The following RLF variants were observed in gnomAD, a reference collection of about 807,000 sequenced individuals.
The protein encoded by RLF is RLF zinc finger.
Under a neutral mutation model 162.9 loss-of-function variants are expected in RLF, and 7 were observed. The ratio of observed to expected loss-of-function variants is 0.04; its 90% CI spans 0.02 to 0.08. The LOEUF (loss-of-function observed/expected upper bound fraction) is 0.08, where lower values mean the gene tolerates loss of function less well. Among genes scored for constraint, RLF ranks in the 10% least tolerant of loss-of-function variants. The pLI, the probability that RLF is intolerant of heterozygous loss-of-function variation, is 1.00. For missense variants in RLF, 1,664 were observed against 2,244.7 expected (o/e 0.74, Z 5.23); for synonymous variants, 782 against 791.5 (o/e 0.99, Z 0.20).
intron 1 of RLF, among the ~76,000 whole-genome samples, chr1:40,167,851 T>G (rs185628039): frequency 2.8e-3 from 429 of 151,854 alleles, no homozygotes; most frequent in African/African-American, 0.01. Flanking sequence ...GATCTTGATC[T>G]CCTCCCTTTC....
At chr1:40,207,049 T>C (rs1263022168) in intron 5 of RLF, among the ~76,000 whole-genome samples, 5 of 152,240 alleles carry the variant, frequency 3.3e-5, no homozygotes, top group African/African-American at 1.2e-4. Flanking sequence ...TTGTATTTTC[T>C]TCATAGTACA....
chr1:40,224,882 G>T (rs1209164437), intron 6 of RLF, among the ~76,000 whole-genome samples: 5 of 151,560 alleles, frequency 3.3e-5, no homozygotes, highest in Non-Finnish European at 5.9e-5. Context: ...AGCTACTCGG[G>T]AGCCTGAGGT....
chr1:40,161,661 G>A lies in RLF; in HGVS notation c.237+25G>A. ...GGTGAGGGGCTGACTGGCTGGCTGAGGGCGGCGGGGCGGGGAAGTCAGGGA... is the reference window on the plus strand; with the variant it reads ...GGTGAGGGGCTGACTGGCTGGCTGAAGGCGGCGGGGCGGGGAAGTCAGGGA... On this transcript the variant is annotated intron_variant, in intron 1 of 7. Coordinates refer to ENST00000372771, the MANE Select transcript of RLF (RefSeq NM_012421.4). The surrounding 1 kb of genome is among the most constrained non-coding windows in gnomAD (Gnocchi z 4.4). The A allele has an allele frequency of 2.5e-6, 4 of 1,604,630 alleles. No homozygotes were observed. Among genetic ancestry groups the A allele is most frequent in the Non-Finnish European group, 3.4e-6 (4 of 1,177,158 alleles).
Position 40,221,996 on chromosome 1 carries a change from A to G in RLF, c.811-578A>G, listed in dbSNP as rs180719086. ...TATTTGTTTTTTGTTTGTTTTTTTAAGATTTAAGTCATATAAATGAAAAGA... is the reference window on the plus strand; with the variant it reads ...TATTTGTTTTTTGTTTGTTTTTTTAGGATTTAAGTCATATAAATGAAAAGA... On this transcript the variant is annotated intron_variant, in intron 5 of 7. Transcript: ENST00000372771. Among the ~76,000 whole-genome samples, 260 of 151,960 alleles carry G rather than the reference A, an allele frequency of 1.7e-3. 1 individual carries two copies. Among genetic ancestry groups the G allele is most frequent in the African/African-American group, 6.0e-3 (247 of 41,492 alleles).
chr1:40,179,044 A>G (rs1389244406), intron 1 of RLF, among the ~76,000 whole-genome samples: 1 of 152,138 alleles, frequency 6.6e-6, no homozygotes, highest in Non-Finnish European at 1.5e-5. Context: ...CGTGTTGGCC[A>G]GGCTGGTCTG....
At position 40,238,023 on chromosome 1, in the gene RLF, T is replaced by G. The variant is rs1326288386; in HGVS notation, c.3321T>G (p.Phe1107Leu). 11 of 1,613,992 alleles carry G rather than the reference T, an allele frequency of 6.8e-6. No homozygotes were observed. The South Asian group carries it at 1.2e-4, about 18-fold the overall frequency. ...QSVSSISDLNFQNQDENMPSQ... is the reference protein window; with the variant it reads ...QSVSSISDLNLQNQDENMPSQ... ...TTTCATCTATCTCAGACCTTAATTT[T>G]CAGAATCAAGATGAAAACATGCCAA... Residue 1107 changes from phenylalanine to leucine, a missense_variant, in exon 8 of 8, where the codon TTT becomes TTG. Physicochemically the swap from Phe to Leu is conservative, Grantham distance 22. Coordinates refer to ENST00000372771, the MANE Select transcript of RLF (RefSeq NM_012421.4). The surrounding 1 kb of genome is among the most constrained non-coding windows in gnomAD (Gnocchi z 5.2).
At chr1:40,221,321 GA>G (rs141901075) in intron 5 of RLF, among the ~76,000 whole-genome samples, 7,938 of 143,870 alleles carry the variant, frequency 0.055, 601 homozygotes, top group African/African-American at 0.18. Flanking sequence ...GTTGAGATAT[GA>G]AAAAAAAAAC....
intron 6 of RLF, among the ~76,000 whole-genome samples, chr1:40,226,182 T>C (rs376720046): frequency 1.5e-4 from 23 of 152,240 alleles, no homozygotes; most frequent in Admixed American, 3.9e-4. Context: ...ATAGCAGTTA[T>C]GTTTAACTTA....
chr1:40,206,253 G>T (rs572417448), intron 5 of RLF, among the ~76,000 whole-genome samples: 22 of 152,234 alleles, frequency 1.4e-4, no homozygotes, highest in African/African-American at 5.3e-4. Flanking sequence ...CATTTAATCA[G>T]CACAATAGCT....
intron 1 of RLF, among the ~76,000 whole-genome samples, chr1:40,170,591 A>G (rs1570513456): frequency 1.3e-5 from 2 of 152,110 alleles, no homozygotes; most frequent in East Asian, 3.8e-4. Flanking sequence ...CTTTGAATAT[A>G]CAGTTGGTTC....
intron 1 of RLF, among the ~76,000 whole-genome samples, chr1:40,175,338 C>T (rs16827024): frequency 0.052 from 7,913 of 151,944 alleles, 603 homozygotes; most frequent in African/African-American, 0.17. Flanking sequence ...ATATTTGAAC[C>T]TAACAAGATT....
At chr1:40,182,998 C>A (rs1642427506) in intron 1 of RLF, among the ~76,000 whole-genome samples, 1 of 152,250 alleles carries the variant, frequency 6.6e-6, no homozygotes, top group Middle Eastern at 3.4e-3. Context: ...TGATGGCAAA[C>A]CTCCATCAAG....
chr1:40,172,556 G>A (rs1413991602), intron 1 of RLF, among the ~76,000 whole-genome samples: 6 of 152,146 alleles, frequency 3.9e-5, no homozygotes, highest in East Asian at 1.9e-4. Flanking sequence ...AGGCTGAGGC[G>A]GGTGGATCAC....
chr1:40,236,941 A>G lies in RLF; in HGVS notation c.2239A>G (p.Ile747Val). The change falls in exon 8 of 8, where the codon ATA (isoleucine) becomes GTA (valine). Residue 747 changes from isoleucine (I) to valine (V), a missense_variant. Transcript: ENST00000372771. The surrounding 1 kb of genome is among the most constrained non-coding windows in gnomAD (Gnocchi z 7.7). ...CGPQPYMCVS[I>V]DCYARFGSVN... Reference sequence around the variant, plus strand: ...GCCTCAGCCTTATATGTGTGTATCTATAGATTGCTATGCTAGGTTTGGATC... The same window carrying G: ...GCCTCAGCCTTATATGTGTGTATCTGTAGATTGCTATGCTAGGTTTGGATC... 1.9e-6 allele frequency: 3 copies of G among 1,614,198 alleles called. No homozygotes were observed. Among genetic ancestry groups the G allele is most frequent in the Non-Finnish European group, 2.5e-6 (3 of 1,180,016 alleles).
At chr1:40,186,008 T>C (rs939965918) in intron 1 of RLF, among the ~76,000 whole-genome samples, 7 of 151,586 alleles carry the variant, frequency 4.6e-5, no homozygotes, top group African/African-American at 7.3e-5. Flanking sequence ...AACAGGAAAA[T>C]TAACCGAGCC....
chr1:40,202,976 G>A lies in RLF; in HGVS notation c.810+362G>A, dbSNP rs150784635. On this transcript the variant is annotated intron_variant, in intron 5 of 7. Coordinates refer to ENST00000372771, the MANE Select transcript of RLF (RefSeq NM_012421.4). ...ATCAAGGGATAAACTAAAGAAAATG[G>A]CACTTAATTTTAGCTTAAGTTACTT... 3.6e-3 allele frequency among the ~76,000 whole-genome samples: 540 copies of A among 152,044 alleles called. 4 individuals carry two copies. The highest frequency in any genetic ancestry group is 0.012 in the African/African-American group (515 of 41,490).
chr1:40,167,927 G>C (rs1642188492), intron 1 of RLF, among the ~76,000 whole-genome samples: 2 of 151,348 alleles, frequency 1.3e-5, no homozygotes. Flanking sequence ...CAAGAAATAG[G>C]GACATTTGGC....
chr1:40,216,469 CA>C (rs1337615052), intron 5 of RLF, among the ~76,000 whole-genome samples: 1 of 140,044 alleles, frequency 7.1e-6, no homozygotes, highest in African/African-American at 2.7e-5. Flanking sequence ...GCTTGGGCAA[CA>C]AGAGCGAAAC....
intron 5 of RLF, among the ~76,000 whole-genome samples, chr1:40,215,588 T>G (rs568780725): frequency 2.0e-5 from 3 of 152,176 alleles, no homozygotes; most frequent in African/African-American, 7.2e-5. Context: ...GTATTTTGTT[T>G]TGTTGTTTTT....
Sources: gnomAD v4.1 joint callset for allele counts (sites outside exome capture counted in the v4.1 genomes callset) on GRCh38, gnomAD v4.1.1 for gene constraint, Gnocchi (gnomAD v3.1) non-coding constraint, MANE v1.5 for transcripts, NCBI Gene and HGNC (gene_info 2026-07-23, HGNC 2026-07-21) for gene names.